The following PHF3 variants were observed in gnomAD, a reference collection of about 807,000 sequenced individuals.
PHF3 encodes the protein PHD finger protein 3.
In PHF3, 41 loss-of-function variants were observed where a neutral mutation model predicts 178.4. The ratio of observed to expected loss-of-function variants is 0.23; its 90% CI spans 0.18 to 0.30. PHF3 has a LOEUF of 0.30. Ranked by LOEUF, PHF3 falls within the 10% of genes least tolerant of loss-of-function variation. The probability of loss-of-function intolerance (pLI) is 1.00; values close to 1 mark genes in which losing one functional copy is unlikely to be tolerated. For missense variants in PHF3, 2,346 were observed against 2,398.1 expected (o/e 0.98, Z 0.45); for synonymous variants, 842 against 800.5 (o/e 1.05, Z -0.88).
At chr6:63,702,992 C>T (rs555108375) in intron 10 of PHF3, among the ~76,000 whole-genome samples, 2 of 152,350 alleles carry the variant, frequency 1.3e-5, no homozygotes, top group South Asian at 2.1e-4. Flanking sequence ...ATGCTGCCAC[C>T]TCAGCCTCCC....
intron 10 of PHF3, 117 bp downstream of exon 10, chr6:63,702,756 T>C: frequency 1.0e-6 from 1 of 995,422 alleles, no homozygotes; most frequent in Non-Finnish European, 1.5e-6. Context: ...CATTTAAAAG[T>C]AGCCTATTTT....
chr6:63,719,534 C>T lies in PHF3; in HGVS notation c.*5826C>T, dbSNP rs1768293023. On this transcript the variant is annotated 3_prime_UTR_variant, in exon 16 of 16. Transcript: ENST00000262043. ...AAATGTCAGGTAACAACAGCAGTAA[C>T]TGCTTTCCAACCTGCAGTGGTGGAC... is the stretch of plus-strand genomic sequence containing the variant. Among the ~76,000 whole-genome samples, 1 of 152,046 alleles carries T rather than the reference C, an allele frequency of 6.6e-6. No individual in the cohort carries two copies. Among genetic ancestry groups the T allele is most frequent in the African/African-American group, 2.4e-5 (1 of 41,430 alleles).
chr6:63,719,128 C>T lies in PHF3; in HGVS notation c.*5420C>T, dbSNP rs1203960391. The stretch of plus-strand genomic sequence containing the variant: ...TTAATATGAACTGTATGTTTGGAAA[C>T]ATTTGTGCCCTGTCAAATGGTGTTG... On this transcript the variant is annotated 3_prime_UTR_variant, in exon 16 of 16. Transcript: ENST00000262043. Among the ~76,000 whole-genome samples, 2 of 152,016 alleles carry T rather than the reference C, an allele frequency of 1.3e-5. No homozygotes were observed. Among genetic ancestry groups the T allele is most frequent in the Admixed American group, 1.3e-4 (2 of 15,208 alleles).
chr6:63,642,054 T>C (rs975307028), intron 1 of PHF3, among the ~76,000 whole-genome samples: 1 of 152,242 alleles, frequency 6.6e-6, no homozygotes, highest in Non-Finnish European at 1.5e-5. Flanking sequence ...GACTTCAGTA[T>C]AATTCTCTGA....
intron 5 of PHF3, 130 bp from the exon 6 acceptor site, chr6:63,694,451 G>A: frequency 1.6e-6 from 1 of 612,804 alleles, no homozygotes; most frequent in Non-Finnish European, 2.7e-6. Context: ...CACAAAATAG[G>A]TGCAGAATAG....
chr6:63,647,035 G>T (rs1313111452), intron 2 of PHF3, among the ~76,000 whole-genome samples: 1 of 151,282 alleles, frequency 6.6e-6, no homozygotes, highest in African/African-American at 2.4e-5. Context: ...GATATAGGTA[G>T]GGTGACCATA....
chr6:63,650,608 CAGTAAT>C (rs1449010766), intron 2 of PHF3, among the ~76,000 whole-genome samples: 1 of 152,104 alleles, frequency 6.6e-6, no homozygotes, highest in East Asian at 1.9e-4. Context: ...GTAAAACTAT[CAGTAAT>C]AGTGTGATTT....
At chr6:63,678,364 A>G (rs971618779) in intron 2 of PHF3, among the ~76,000 whole-genome samples, 1 of 152,168 alleles carries the variant, frequency 6.6e-6, no homozygotes, top group Non-Finnish European at 1.5e-5. Flanking sequence ...CACAAATTAT[A>G]TCTTAAATTA....
chr6:63,694,735 C>A lies in PHF3; in HGVS notation c.2651C>A (p.Thr884Asn), dbSNP rs1767161345. ...EKIPKESTTV[T>N]CTGEKASKPG... ...ATACCGAAAGAGTCTACAACTGTTA[C>A]TTGCACAGGAGAAAAAGCTTCAAAA... The change falls in exon 6 of 16, where the codon ACT becomes AAT. Residue 884 changes from threonine to asparagine, a missense_variant. Coordinates refer to ENST00000262043, the MANE Select transcript of PHF3 (RefSeq NM_001370348.2). 11 of 1,540,724 alleles carry A rather than the reference C, an allele frequency of 7.1e-6. No individual in the cohort carries two copies. Among genetic ancestry groups the A allele is most frequent in the East Asian group, 2.4e-5 (1 of 42,296 alleles).
At chr6:63,697,472 T>C (rs1338876025) in intron 6 of PHF3, among the ~76,000 whole-genome samples, 1 of 152,202 alleles carries the variant, frequency 6.6e-6, no homozygotes, top group Non-Finnish European at 1.5e-5. Context: ...TTAAAACTTG[T>C]GGTTATAAAT....
intron 3 of PHF3, among the ~76,000 whole-genome samples, chr6:63,682,722 G>GAC (rs1766492116): frequency 2.0e-5 from 3 of 152,052 alleles, no homozygotes; most frequent in African/African-American, 7.2e-5. Context: ...GTAATATTTA[G>GAC]AGGAGAAAAA....
At chr6:63,677,431 AAAG>A (rs1024130870) in intron 2 of PHF3, among the ~76,000 whole-genome samples, 5 of 152,174 alleles carry the variant, frequency 3.3e-5, no homozygotes, top group African/African-American at 9.7e-5. Flanking sequence ...AAGTGAAAAA[AAAG>A]GAGATTCAGA....
intron 4 of PHF3, among the ~76,000 whole-genome samples, chr6:63,686,654 C>G (rs1766719651): frequency 6.6e-6 from 1 of 152,160 alleles, no homozygotes; most frequent in Admixed American, 6.5e-5. Context: ...AAAAGGAAAG[C>G]AAGAGATGAA....
intron 1 of PHF3, among the ~76,000 whole-genome samples, chr6:63,640,866 T>G (rs748358319): frequency 5.3e-5 from 8 of 152,222 alleles, no homozygotes; most frequent in South Asian, 2.1e-4. Flanking sequence ...TGTGTGTGTG[T>G]GGGGCTGTCC....
chr6:63,650,756 A>G (rs888361919), intron 2 of PHF3, among the ~76,000 whole-genome samples: 3 of 152,204 alleles, frequency 2.0e-5, no homozygotes, highest in Non-Finnish European at 4.4e-5. Flanking sequence ...GGTTTGGTGT[A>G]CCAGTGTGTC....
chr6:63,698,654 A>G, intron 8 of PHF3, 49 bp downstream of exon 8: 1 of 1,309,066 alleles, frequency 7.6e-7, no homozygotes, highest in Non-Finnish European at 1.0e-6. Flanking sequence ...TCCTGAGTAC[A>G]TAGGTATCTC....
In PHF3 at chr6:63,641,902, A is replaced by AC. The variant is rs1454199844; in HGVS notation, c.-25-4624dup. Among the ~76,000 whole-genome samples the AC allele has an allele frequency of 2.6e-5, 4 of 152,224 alleles. No homozygotes were observed. The East Asian group carries it at 7.7e-4, about 29-fold the overall frequency. ...CTCGTCCTCCCAAAGTGCTGGGATT[A>AC]CAGGTGTGAGCCATGGCGCCCGGCC... On this transcript the variant is annotated intron_variant, in intron 1 of 15. Transcript: ENST00000262043.
At chr6:63,642,728 A>G (rs147948704) in intron 1 of PHF3, among the ~76,000 whole-genome samples, 1,794 of 152,308 alleles carry the variant, frequency 0.012, 31 homozygotes, top group African/African-American at 0.041. Flanking sequence ...GTTTTATTAA[A>G]TTTAGAATGC....
intron 13 of PHF3, among the ~76,000 whole-genome samples, chr6:63,708,794 A>G (rs1307555713): frequency 1.3e-5 from 2 of 152,208 alleles, no homozygotes; most frequent in African/African-American, 2.4e-5. Flanking sequence ...ACTGCTACCA[A>G]AAGGGGAGGT....
Sources: allele counts gnomAD v4.1 joint callset (sites outside exome capture counted in the v4.1 genomes callset), GRCh38; gene constraint gnomAD v4.1.1; transcripts MANE v1.5; gene names NCBI Gene and HGNC (gene_info 2026-07-23, HGNC 2026-07-21).